CUX2: variants seen among roughly 807,000 people sequenced by gnomAD.
CUX2 encodes the protein homeobox protein cut-like 2.
In CUX2, 40 loss-of-function variants were observed where a neutral mutation model predicts 144.8. The observed-to-expected ratio is 0.28, with a 90% confidence interval of 0.21 to 0.36. The LOEUF is 0.36. CUX2 is among the 10% of genes least tolerant of loss of function. The pLI is 1.00. For missense variants in CUX2, 1,615 were observed against 1,994.0 expected (o/e 0.81, Z 3.62); for synonymous variants, 827 against 875.6 (o/e 0.94, Z 0.98).
rs1886631612 is a variant in CUX2, at chr12:111,307,184, TC to T, written c.1051-14del. On this transcript the variant is annotated splice_polypyrimidine_tract_variant and intron_variant, in intron 11 of 21. Coordinates refer to ENST00000261726, the MANE Select transcript of CUX2 (RefSeq NM_015267.4). The surrounding 1 kb of genome is among the most constrained non-coding windows in gnomAD (Gnocchi z 4.1). ...GCACACAGACCAGCCTCACCATCTT[TC>T]TTTGCTCTTCTAGAAGCTGGAAGAG... The T allele has an allele frequency of 1.2e-6, 2 of 1,614,138 alleles. No individual in the cohort carries two copies. Among genetic ancestry groups the T allele is most frequent in the Non-Finnish European group, 1.7e-6 (2 of 1,180,014 alleles).
At chr12:111,074,016 T>C (rs1324738045) in intron 1 of CUX2, among the ~76,000 whole-genome samples, 12 of 151,496 alleles carry the variant, frequency 7.9e-5, no homozygotes, top group Non-Finnish European at 1.8e-4. Context: ...GTATATCCCA[T>C]GCAATGTTTG....
intron 1 of CUX2, among the ~76,000 whole-genome samples, chr12:111,128,156 A>T (rs1204322159): frequency 6.6e-6 from 1 of 152,196 alleles, no homozygotes; most frequent in Non-Finnish European, 1.5e-5. Context: ...CTGACCATCG[A>T]ACCAAACCGT....
intron 19 of CUX2, among the ~76,000 whole-genome samples, chr12:111,337,925 C>T (rs1276749823): frequency 1.3e-5 from 2 of 152,076 alleles, no homozygotes; most frequent in Non-Finnish European, 2.9e-5. Context: ...ATCCCAGCTA[C>T]TCGGGAGGCT....
At chr12:111,288,412 A>G (rs951436775) in intron 4 of CUX2, among the ~76,000 whole-genome samples, 1 of 152,120 alleles carries the variant, frequency 6.6e-6, no homozygotes, top group Non-Finnish European at 1.5e-5. Context: ...AAAGTCATAC[A>G]GCAATCCCAA....
At chr12:111,205,948 T>C (rs58588077) in intron 1 of CUX2, among the ~76,000 whole-genome samples, 1,633 of 152,344 alleles carry the variant, frequency 0.011, 34 homozygotes, top group African/African-American at 0.037. Context: ...GAGGATATCT[T>C]GTTCTCATGG....
At chr12:111,343,440 C>T (rs971950541) in intron 21 of CUX2, among the ~76,000 whole-genome samples, 1 of 152,144 alleles carries the variant, frequency 6.6e-6, no homozygotes, top group Non-Finnish European at 1.5e-5. Flanking sequence ...CCCTGCCAAG[C>T]TTCCTGAGCA....
chr12:111,147,738 C>T (rs938232233), intron 1 of CUX2, among the ~76,000 whole-genome samples: 5 of 152,118 alleles, frequency 3.3e-5, no homozygotes, highest in East Asian at 3.9e-4. Context: ...AGGGAGAGGG[C>T]GAGGGAGGTG....
intron 1 of CUX2, among the ~76,000 whole-genome samples, chr12:111,163,278 A>G (rs543119252): frequency 1.3e-5 from 2 of 152,326 alleles, no homozygotes; most frequent in African/African-American, 4.8e-5. Flanking sequence ...GCTGTCTAAA[A>G]TAGGTTTTTC....
At chr12:111,122,453 C>T (rs1001722695) in intron 1 of CUX2, among the ~76,000 whole-genome samples, 27 of 147,588 alleles carry the variant, frequency 1.8e-4, no homozygotes, top group Admixed American at 1.2e-3. Flanking sequence ...TAAAACGGGA[C>T]GGGGGAGGGG....
At chr12:111,088,589 C>T (rs971736443) in intron 1 of CUX2, among the ~76,000 whole-genome samples, 2 of 152,180 alleles carry the variant, frequency 1.3e-5, no homozygotes, top group South Asian at 4.1e-4. Flanking sequence ...TAACTCTAGT[C>T]TTCATAGGAG....
chr12:111,053,488 A>C (rs1348473802), intron 1 of CUX2, among the ~76,000 whole-genome samples: 2 of 152,226 alleles, frequency 1.3e-5, no homozygotes, highest in Non-Finnish European at 2.9e-5. Context: ...AGAGTATTCT[A>C]TGAATCTGCC....
At position 111,061,437 on chromosome 12, in the gene CUX2, AGG is replaced by A. The variant is rs1170317727; in HGVS notation, c.63+27199_63+27200del. On this transcript the variant is annotated intron_variant, in intron 1 of 21. Transcript: ENST00000261726. This position sits in a 1 kb window ranked among gnomAD's most constrained non-coding sequence, Gnocchi z 4.2. ...GAATCCCACGACTGCAAGTGAAAGA[AGG>A]GCTTTTTAAAAGTAATTTTGCATTA... is the stretch of plus-strand genomic sequence containing the variant. Among the ~76,000 whole-genome samples the A allele has an allele frequency of 2.0e-5, 3 of 152,170 alleles. No homozygotes were observed. Among genetic ancestry groups the A allele is most frequent in the Non-Finnish European group, 4.4e-5 (3 of 68,024 alleles).
chr12:111,119,845 G>A (rs1048193472), intron 1 of CUX2, among the ~76,000 whole-genome samples: 1 of 152,184 alleles, frequency 6.6e-6, no homozygotes, highest in Non-Finnish European at 1.5e-5. Context: ...ATCACCTGAG[G>A]TCAGGAGTTC....
At chr12:111,045,097 T>C (rs1413066933) in intron 1 of CUX2, among the ~76,000 whole-genome samples, 1 of 152,162 alleles carries the variant, frequency 6.6e-6, no homozygotes, top group African/African-American at 2.4e-5. Context: ...CCAGTTAATG[T>C]CCTCGGACCC....
intron 1 of CUX2, among the ~76,000 whole-genome samples, chr12:111,196,072 T>C (rs965887431): frequency 1.3e-5 from 2 of 152,222 alleles, no homozygotes; most frequent in African/African-American, 4.8e-5. Flanking sequence ...ATCCATAGAT[T>C]TGCCTTTTCT....
At chr12:111,143,288 G>C (rs1592935771) in intron 1 of CUX2, among the ~76,000 whole-genome samples, 1 of 152,194 alleles carries the variant, frequency 6.6e-6, no homozygotes, top group East Asian at 1.9e-4. Context: ...AGTGCCTTGG[G>C]TGTTTCCAGC....
intron 1 of CUX2, among the ~76,000 whole-genome samples, chr12:111,154,320 G>A (rs1027311045): frequency 6.6e-6 from 1 of 152,134 alleles, no homozygotes; most frequent in African/African-American, 2.4e-5. Flanking sequence ...CATCCCTCCT[G>A]GAGCGAGACT....
At chr12:111,096,987 A>AG (rs1487998699) in intron 1 of CUX2, among the ~76,000 whole-genome samples, 5 of 152,130 alleles carry the variant, frequency 3.3e-5, no homozygotes, top group Non-Finnish European at 5.9e-5. Flanking sequence ...GAAAAAAAAA[A>AG]GAAAAAGAAG....
intron 1 of CUX2, among the ~76,000 whole-genome samples, chr12:111,170,187 C>T (rs1170600768): frequency 6.6e-6 from 1 of 152,144 alleles, no homozygotes; most frequent in Admixed American, 6.5e-5. Flanking sequence ...CGCCTGTAAT[C>T]CCAGCACTTT....
Sources: gnomAD v4.1 joint callset for allele counts (sites outside exome capture counted in the v4.1 genomes callset) on GRCh38, gnomAD v4.1.1 for gene constraint, Gnocchi (gnomAD v3.1) non-coding constraint, MANE v1.5 for transcripts, NCBI Gene and HGNC (gene_info 2026-07-23, HGNC 2026-07-21) for gene names.